Variants in EPHA3 observed in about 807,000 individuals in gnomAD.
The protein encoded by EPHA3 is ephrin type-A receptor 3.
In EPHA3, 42 loss-of-function variants were observed where a neutral mutation model predicts 107.1. That is an observed-to-expected ratio of 0.39 (90% CI 0.31 to 0.51). The LOEUF is 0.51. Ranked by LOEUF, EPHA3 falls within the 20% of genes least tolerant of loss-of-function variation. EPHA3 has a pLI of 0.78. For missense variants in EPHA3, 1,183 were observed against 1,211.2 expected (o/e 0.98, Z 0.35); for synonymous variants, 461 against 424.8 (o/e 1.09, Z -1.05).
At chr3:89,130,240 T>A (rs1192999346) in intron 2 of EPHA3, among the ~76,000 whole-genome samples, 2 of 152,108 alleles carry the variant, frequency 1.3e-5, no homozygotes, top group Admixed American at 6.5e-5. Context: ...AAAATGACAG[T>A]GGCTAAATTG....
intron 3 of EPHA3, among the ~76,000 whole-genome samples, chr3:89,260,742 G>T (rs775183277): frequency 6.6e-6 from 1 of 152,094 alleles, no homozygotes; most frequent in Non-Finnish European, 1.5e-5. Flanking sequence ...ATATTCTTCA[G>T]CTTGCTCTAT....
intron 2 of EPHA3, among the ~76,000 whole-genome samples, chr3:89,193,583 T>A (rs535725183): frequency 6.6e-6 from 1 of 151,908 alleles, no homozygotes; most frequent in Non-Finnish European, 1.5e-5. Context: ...AGGAGGATAT[T>A]GAACATTTCC....
chr3:89,403,637 T>C (rs1291975828), intron 7 of EPHA3, among the ~76,000 whole-genome samples: 1 of 152,192 alleles, frequency 6.6e-6, no homozygotes, highest in East Asian at 1.9e-4. Flanking sequence ...GTCCAATTGT[T>C]TGGAAACCCT....
At chr3:89,305,207 T>A (rs1446433042) in intron 3 of EPHA3, among the ~76,000 whole-genome samples, 1 of 152,202 alleles carries the variant, frequency 6.6e-6, no homozygotes, top group East Asian at 1.9e-4. Flanking sequence ...ATTAAAATCA[T>A]CTTCCTATTC....
At chr3:89,469,583 T>G (rs1182503091) in intron 15 of EPHA3, among the ~76,000 whole-genome samples, 2 of 152,174 alleles carry the variant, frequency 1.3e-5, no homozygotes, top group Admixed American at 1.3e-4. Flanking sequence ...AGAAGTGGTA[T>G]AAACCTCTCA....
At chr3:89,149,577 G>C (rs1315096130) in intron 2 of EPHA3, among the ~76,000 whole-genome samples, 6 of 151,758 alleles carry the variant, frequency 4.0e-5, no homozygotes, top group African/African-American at 1.5e-4. Context: ...GTTGTGTGCT[G>C]CACCCATTAA....
intron 5 of EPHA3, among the ~76,000 whole-genome samples, chr3:89,351,726 T>C (rs1360225667): frequency 2.0e-5 from 3 of 151,302 alleles, no homozygotes; most frequent in Non-Finnish European, 4.4e-5. Flanking sequence ...ATCAAGACAT[T>C]AGCATTGTTC....
chr3:89,137,394 G>T (rs1704336271), intron 2 of EPHA3, among the ~76,000 whole-genome samples: 1 of 151,580 alleles, frequency 6.6e-6, no homozygotes, highest in Non-Finnish European at 1.5e-5. Context: ...TAATTATTTG[G>T]ACCCTTAGGC....
chr3:89,316,713 T>C (rs1022935689), intron 3 of EPHA3, among the ~76,000 whole-genome samples: 2 of 151,176 alleles, frequency 1.3e-5, no homozygotes, highest in African/African-American at 4.8e-5. Context: ...ATTCTTAGAT[T>C]TCTAACATAC....
chr3:89,234,693 T>C (rs1704712022), intron 3 of EPHA3, among the ~76,000 whole-genome samples: 1 of 151,748 alleles, frequency 6.6e-6, no homozygotes, highest in African/African-American at 2.4e-5. Flanking sequence ...TTTCCTCCTT[T>C]CCTTCCTTCT....
intron 3 of EPHA3, among the ~76,000 whole-genome samples, chr3:89,291,780 G>A (rs1477516221): frequency 1.3e-5 from 2 of 152,128 alleles, no homozygotes; most frequent in Non-Finnish European, 2.9e-5. Context: ...ACCCTGTGAT[G>A]CTCACATTTG....
chr3:89,348,876 C>T (rs1707738339), intron 5 of EPHA3, among the ~76,000 whole-genome samples: 1 of 130,968 alleles, frequency 7.6e-6, no homozygotes, highest in African/African-American at 3.2e-5. Flanking sequence ...GTTATGTACC[C>T]AGTAGTCATT....
chr3:89,202,526 A>AT (rs1705993503), intron 2 of EPHA3, among the ~76,000 whole-genome samples: 1 of 82,148 alleles, frequency 1.2e-5, no homozygotes, highest in African/African-American at 3.5e-5. Flanking sequence ...AAAAAAAAAA[A>AT]AAAAAAAAAT....
chr3:89,398,984 C>A (rs545131685), intron 6 of EPHA3, among the ~76,000 whole-genome samples: 6 of 151,808 alleles, frequency 4.0e-5, no homozygotes, highest in African/African-American at 1.5e-4. Flanking sequence ...ACAAAAATTA[C>A]CTGGGAGTGA....
At chr3:89,206,654 G>C (rs56938121) in intron 2 of EPHA3, among the ~76,000 whole-genome samples, 23,197 of 151,922 alleles carry the variant, frequency 0.15, 1,992 homozygotes, top group African/African-American at 0.24. Flanking sequence ...TCTGTTGACT[G>C]TTTTTTTATA....
chr3:89,250,086 A>G (rs1410007901), intron 3 of EPHA3, among the ~76,000 whole-genome samples: 1 of 152,196 alleles, frequency 6.6e-6, no homozygotes, highest in East Asian at 1.9e-4. Flanking sequence ...TTCCAGTTTT[A>G]AAGTTCTTTT....
chr3:89,219,689 T>TTTTG (rs1704309509), intron 3 of EPHA3, among the ~76,000 whole-genome samples: 3 of 16,628 alleles, frequency 1.8e-4, no homozygotes, highest in Non-Finnish European at 2.6e-4. Context: ...TTTGGCAATG[T>TTTTG]TTTTTTTTTT....
chr3:89,167,290 T>C lies in EPHA3; in HGVS notation c.153+40017T>C, dbSNP rs551202331. 5.9e-5 allele frequency among the ~76,000 whole-genome samples: 9 copies of C among 152,252 alleles called. No homozygotes were observed. The East Asian group carries it at 1.5e-3, about 26-fold the overall frequency. On this transcript the variant is annotated intron_variant, in intron 2 of 16. Coordinates refer to ENST00000336596, the MANE Select transcript of EPHA3 (RefSeq NM_005233.6). The stretch of plus-strand genomic sequence containing the variant: ...TTCACTCTGTTTACATTTTTTCAAA[T>C]ATAAAATACATATACTTGGAAATTC...
chr3:89,467,209 T>A (rs1710300222), intron 15 of EPHA3, among the ~76,000 whole-genome samples: 1 of 152,184 alleles, frequency 6.6e-6, no homozygotes, highest in African/African-American at 2.4e-5. Context: ...ACATTTGAAA[T>A]TTTAAAAAAC....
Sources: allele counts gnomAD v4.1 joint callset (sites outside exome capture counted in the v4.1 genomes callset), GRCh38; gene constraint gnomAD v4.1.1; transcripts MANE v1.5; gene names NCBI Gene and HGNC (gene_info 2026-07-23, HGNC 2026-07-21).